The following IGFBPL1 variants were observed in gnomAD, a reference collection of about 807,000 sequenced individuals.
IGFBPL1 encodes insulin like growth factor binding protein like 1.
Under a neutral mutation model 23.9 loss-of-function variants are expected in IGFBPL1, and 20 were observed. The observed-to-expected ratio is 0.84, with a 90% CI of 0.59 to 1.22. The LOEUF is 1.22. Among genes scored for constraint, IGFBPL1 ranks in the 50% most tolerant of loss-of-function variants. The pLI is 0.00. For synonymous variants in IGFBPL1, 184 were observed against 171.8 expected, an observed-to-expected ratio of 1.07 and a Z score of -0.56; for missense variants, 436 against 379.3, an observed-to-expected ratio of 1.15 and a Z score of -1.24.
At position 38,424,014 on chromosome 9, in the gene IGFBPL1, G is replaced by A. The variant is rs1439833386; in HGVS notation, c.411C>T (p.Arg137=). Residue 137 remains arginine, a synonymous_variant, in exon 1 of 5, where the codon CGC becomes CGT. Coordinates refer to ENST00000377694, the MANE Select transcript of IGFBPL1 (RefSeq NM_001007563.3). ...ALRLRARHTP[R]AHPGHLHKAR... is the part of the protein sequence containing the mutation. ...CCTTGTGCAGGTGACCGGGGTGCGC[G>A]CGGGGCGTGTGCCGAGCGCGCAGGC... 1 of 1,409,196 alleles carries A rather than the reference G, an allele frequency of 7.1e-7. No homozygotes were observed. Among genetic ancestry groups the A allele is most frequent in the Non-Finnish European group, 9.2e-7 (1 of 1,092,186 alleles). The allele number at this position is 1,409,196 out of a possible 1,614,324, so 87.3% of individuals were successfully genotyped here.
rs1171995684 is a variant in IGFBPL1, at chr9:38,406,627, G to A, written c.*2600C>T. Among the ~76,000 whole-genome samples, 1 of 152,132 alleles carries A rather than the reference G, an allele frequency of 6.6e-6. No individual in the cohort carries two copies. Among genetic ancestry groups the A allele is most frequent in the Non-Finnish European group, 1.5e-5 (1 of 68,036 alleles). ...ACCCAGGTTTGGTGCGGGGAGTGGGGGCATTGTAATTACGTCTCCAAATGC... is the reference window on the plus strand; with the variant it reads ...ACCCAGGTTTGGTGCGGGGAGTGGGAGCATTGTAATTACGTCTCCAAATGC... On this transcript the variant is annotated 3_prime_UTR_variant, in exon 5 of 5. Transcript: ENST00000377694.
At chr9:38,415,212 C>T (rs1369046100) in intron 1 of IGFBPL1, among the ~76,000 whole-genome samples, 1 of 152,182 alleles carries the variant, frequency 6.6e-6, no homozygotes, top group Admixed American at 6.5e-5. Flanking sequence ...AAGTGAGGGC[C>T]AGGAGCAAAA....
chr9:38,419,275 A>G (rs1011084907), intron 1 of IGFBPL1, among the ~76,000 whole-genome samples: 1 of 152,188 alleles, frequency 6.6e-6, no homozygotes, highest in African/African-American at 2.4e-5. Context: ...AACACACTGA[A>G]CAGCCCTGAT....
intron 2 of IGFBPL1, 80 bp downstream of exon 2, chr9:38,414,014 G>T: frequency 2.7e-6 from 2 of 753,012 alleles, no homozygotes; most frequent in Non-Finnish European, 4.4e-6. Flanking sequence ...TACCACTCAC[G>T]TCTGTTTCTC....
At chr9:38,420,550 C>T (rs778612069) in intron 1 of IGFBPL1, among the ~76,000 whole-genome samples, 3 of 152,214 alleles carry the variant, frequency 2.0e-5, no homozygotes, top group Admixed American at 6.5e-5. Flanking sequence ...AATAGCGAGG[C>T]AGGCCAGGCA....
intron 1 of IGFBPL1, 84 bp downstream of exon 1, chr9:38,423,881 C>G: frequency 4.0e-6 from 5 of 1,240,568 alleles, no homozygotes; most frequent in Non-Finnish European, 5.1e-6. Context: ...CCGTCCACCA[C>G]TGGGCAGGGG....
Position 38,424,377 on chromosome 9 carries a change from CAGCAGCAGCAGA to C in IGFBPL1, c.36_47del (p.Leu13_Leu16del), listed in dbSNP as rs1821732061. The stretch of plus-strand genomic sequence containing the variant: ...TCGGGGACAGCGGCGGCAGCAGCGG[CAGCAGCAGCAGA>C]AGCAGCAGCGGCAAGAGCAGAGACA... On this transcript the variant is annotated inframe_deletion, in exon 1 of 5. Transcript: ENST00000377694. 3.0e-6 allele frequency: 2 copies of C among 659,222 alleles called. No individual in the cohort carries two copies. The highest frequency in any genetic ancestry group is 2.5e-6 in the Non-Finnish European group (1 of 392,408). 40.8% of individuals were successfully genotyped at this position (659,222 alleles called of 1,614,324 possible). A position where few individuals can be genotyped will look rare whatever the true frequency, so the allele number is the denominator to read the frequency against.
chr9:38,410,284 C>A (rs1307746208), intron 4 of IGFBPL1, among the ~76,000 whole-genome samples: 1 of 152,072 alleles, frequency 6.6e-6, no homozygotes, highest in East Asian at 1.9e-4. Flanking sequence ...AGATCAAGAC[C>A]ATCCTGGCTA....
At chr9:38,413,907 C>T (rs1458681036) in intron 2 of IGFBPL1, among the ~76,000 whole-genome samples, 187 bp downstream of exon 2, 1 of 152,062 alleles carries the variant, frequency 6.6e-6, no homozygotes, top group East Asian at 1.9e-4. Context: ...GTAGAAGTTT[C>T]GAGGCAGAGG....
intron 2 of IGFBPL1, 87 bp downstream of exon 2, chr9:38,414,007 C>A: frequency 1.2e-6 from 1 of 804,264 alleles, no homozygotes; most frequent in Non-Finnish European, 2.1e-6. Flanking sequence ...ACATTTTTAC[C>A]ACTCACGTCT....
In IGFBPL1 at chr9:38,414,155, GC is replaced by G. The variant is rs775105798; in HGVS notation, c.508del (p.Ala170ArgfsTer9). On this transcript the variant is annotated frameshift_variant, in exon 2 of 5. Transcript: ENST00000377694. LOFTEE classifies it high-confidence loss of function. Reference protein sequence around the residue: ...PPRSVHNVTGAQVGLSCEVRA... With the variant: ...PPRSVHNVTGXQVGLSCEVRA... Reference sequence around the variant, plus strand: ...CACTTCACAGGACAGGCCCACCTGCGCCCCGGTGACGTTGTGAACACTTCGG... The same window carrying G: ...CACTTCACAGGACAGGCCCACCTGCGCCCGGTGACGTTGTGAACACTTCGG... 3.1e-6 allele frequency: 5 copies of G among 1,612,018 alleles called. No homozygotes were observed. Among genetic ancestry groups the G allele is most frequent in the South Asian group, 1.1e-5 (1 of 90,722 alleles).
rs950172616 is a variant in IGFBPL1 at position 38,408,084 on chromosome 9, G to A, written c.*1143C>T. 6.6e-5 allele frequency among the ~76,000 whole-genome samples: 10 copies of A among 151,924 alleles called. No individual in the cohort carries two copies. Among genetic ancestry groups the A allele is most frequent in the Non-Finnish European group, 1.3e-4 (9 of 67,998 alleles). On this transcript the variant is annotated 3_prime_UTR_variant, in exon 5 of 5. Coordinates refer to ENST00000377694, the MANE Select transcript of IGFBPL1 (RefSeq NM_001007563.3). ...TTTTTTTACAATTTGATCGTCAGAA[G>A]CCTGGTATCCACCGCTTCTAACCAC...
chr9:38,409,493 C>T (rs539373517), intron 4 of IGFBPL1, among the ~76,000 whole-genome samples: 6 of 152,194 alleles, frequency 3.9e-5, no homozygotes, highest in Non-Finnish European at 1.5e-5. Flanking sequence ...AGCTCTGTAT[C>T]CCTGGAGGTA....
Position 38,413,270 on chromosome 9 carries a change from G to T in IGFBPL1, c.654C>A (p.Gly218=), listed in dbSNP as rs780191797. The T allele has an allele frequency of 6.2e-7, 1 of 1,613,662 alleles. No homozygotes were observed. Among genetic ancestry groups the T allele is most frequent in the South Asian group, 1.1e-5 (1 of 91,004 alleles). Residue 218 remains glycine, a synonymous_variant, in exon 3 of 5, where the codon GGC becomes GGA. Coordinates refer to ENST00000377694, the MANE Select transcript of IGFBPL1 (RefSeq NM_001007563.3). ...AGGCCGTGGCCTCATGGTCAGAAGG[G>T]CCCCCTCGCACTTGGACAGCTATAT... ...HVNIAVQVRG[G]PSDHEATAWI... is the part of the protein sequence containing the mutation.
chr9:38,423,080 C>A (rs1265635237), intron 1 of IGFBPL1, among the ~76,000 whole-genome samples: 1 of 152,180 alleles, frequency 6.6e-6, no homozygotes, highest in East Asian at 1.9e-4. Flanking sequence ...AAGTACACAG[C>A]GGCACTTCAA....
chr9:38,422,243 G>A (rs1821690384), intron 1 of IGFBPL1, among the ~76,000 whole-genome samples: 1 of 152,192 alleles, frequency 6.6e-6, no homozygotes, highest in African/African-American at 2.4e-5. Context: ...ACCTTGCTGT[G>A]TCTCAGTCTC....
At position 38,407,596 on chromosome 9, in the gene IGFBPL1, A is replaced by T. The variant is rs548276638; in HGVS notation, c.*1631T>A. On this transcript the variant is annotated 3_prime_UTR_variant, in exon 5 of 5. Coordinates refer to ENST00000377694, the MANE Select transcript of IGFBPL1 (RefSeq NM_001007563.3). ...GATGAGTCTTGATAAGAGTCCCTGA[A>T]GCCTGTGGATTGGCAACATCTGCCT... 3.3e-5 allele frequency among the ~76,000 whole-genome samples: 5 copies of T among 152,336 alleles called. No individual in the cohort carries two copies. The highest frequency in any genetic ancestry group is 2.6e-4 in the Admixed American group (4 of 15,310).
chr9:38,414,226 C>T (rs748744831), intron 1 of IGFBPL1, 23 bp from the exon 2 acceptor site: 14 of 1,479,642 alleles, frequency 9.5e-6, no homozygotes, highest in Middle Eastern at 1.8e-4. Context: ...GACAAGGAGA[C>T]GCAGCCTTTA....
rs1048707868 is a variant in IGFBPL1 at position 38,411,641 on chromosome 9, C to G, written c.688-92G>C. The G allele has an allele frequency of 6.4e-6, 7 of 1,089,724 alleles. No homozygotes were observed. In the African/African-American group the frequency reaches 9.4e-5, roughly 15 times the overall value. 67.5% of individuals were successfully genotyped at this position (1,089,724 alleles called of 1,614,324 possible). A position where few individuals can be genotyped will look rare whatever the true frequency, so the allele number is the denominator to read the frequency against. ...TCTTAATGATAAGTCTGCACACTTC[C>G]TCCTTTTCAGAATAAGGTAAAACTT... On this transcript the variant is annotated intron_variant, in intron 3 of 4. Coordinates refer to ENST00000377694, the MANE Select transcript of IGFBPL1 (RefSeq NM_001007563.3).
Sources: allele counts gnomAD v4.1 joint callset (sites outside exome capture counted in the v4.1 genomes callset), GRCh38; gene constraint gnomAD v4.1.1; transcripts MANE v1.5; gene names NCBI Gene and HGNC (gene_info 2026-07-23, HGNC 2026-07-21).